Variants in UGT1A9 observed in about 807,000 individuals in gnomAD.
UGT1A9 encodes UDP glucuronosyltransferase family 1 member A9.
UGT1A9 carries 35 observed loss-of-function variants against 45.0 expected under a neutral mutation model. That is an observed-to-expected ratio of 0.78 (90% CI 0.59 to 1.03). The LOEUF (loss-of-function observed/expected upper bound fraction) is 1.03, where lower values mean the gene tolerates loss of function less well. Among genes scored for constraint, UGT1A9 ranks in the 50% least tolerant of loss-of-function variants. The pLI, the probability that UGT1A9 is intolerant of heterozygous loss-of-function variation, is 0.00. For synonymous variants in UGT1A9, 278 were observed against 250.6 expected (o/e 1.11, Z -1.03); for missense variants, 687 against 666.6 (o/e 1.03, Z -0.34).
At chr2:233,755,222 G>A in intron 1 of UGT1A9, 1 of 994,216 alleles carries the variant, frequency 1.0e-6, no homozygotes, top group Admixed American at 1.9e-5. Flanking sequence ...TGATACCCTC[G>A]GACGAGGCCT....
In UGT1A9 at chr2:233,768,366, G is replaced by A. The variant is rs36076514; in HGVS notation, c.1222G>A (p.Val408Met). Residue 408 changes from valine (V) to methionine (M), a missense_variant, in exon 4 of 5, where the codon GTG (valine) becomes ATG (methionine). Transcript: ENST00000354728. ...AKRMETKGAG[V>M]TLNVLEMTSE... ...GCGCATGGAGACTAAGGGAGCTGGA[G>A]TGACCCTGAATGTTCTGGAAATGAC... 1 of 1,614,180 alleles carries A rather than the reference G, an allele frequency of 6.2e-7. No individual in the cohort carries two copies. Among genetic ancestry groups the A allele is most frequent in the African/African-American group, 1.3e-5 (1 of 75,048 alleles).
chr2:233,679,011 G>A (rs938044553), intron 1 of UGT1A9, among the ~76,000 whole-genome samples: 1 of 152,226 alleles, frequency 6.6e-6, no homozygotes, highest in South Asian at 2.1e-4. Flanking sequence ...GGCATCTTCA[G>A]TGGTGTAATC....
intron 1 of UGT1A9, among the ~76,000 whole-genome samples, chr2:233,763,590 A>G (rs772976697): frequency 6.6e-6 from 1 of 152,156 alleles, no homozygotes; most frequent in Non-Finnish European, 1.5e-5. Flanking sequence ...TTCCTTTGTT[A>G]ACTAAAAATG....
intron 1 of UGT1A9, chr2:233,719,187 G>A (rs747678615): frequency 1.3e-5 from 21 of 1,614,050 alleles, no homozygotes; most frequent in Admixed American, 1.0e-4. Flanking sequence ...TGTATCTTTG[G>A]CCCTTCATAG....
chr2:233,683,804 T>A (rs1006776761), intron 1 of UGT1A9, among the ~76,000 whole-genome samples: 3 of 152,222 alleles, frequency 2.0e-5, no homozygotes, highest in Non-Finnish European at 4.4e-5. Flanking sequence ...TTGTATGTAG[T>A]CATATTACTA....
intron 1 of UGT1A9, chr2:233,754,567 T>C (rs1377287717): frequency 5.0e-6 from 2 of 402,366 alleles, no homozygotes; most frequent in African/African-American, 4.2e-5. Flanking sequence ...GGGGAGCAAC[T>C]GCTCTATGCC....
At chr2:233,716,682 A>G (rs1247523316) in intron 1 of UGT1A9, among the ~76,000 whole-genome samples, 2 of 152,204 alleles carry the variant, frequency 1.3e-5, no homozygotes, top group Non-Finnish European at 2.9e-5. Context: ...CCCAAGATAT[A>G]GTTTCTACAT....
chr2:233,679,862 A>G (rs1360236896), intron 1 of UGT1A9, among the ~76,000 whole-genome samples: 1 of 152,188 alleles, frequency 6.6e-6, no homozygotes, highest in Non-Finnish European at 1.5e-5. Flanking sequence ...ATCTATAAAT[A>G]AGCCTTTCTT....
At chr2:233,724,917 C>T (rs1223036071) in intron 1 of UGT1A9, among the ~76,000 whole-genome samples, 1 of 141,476 alleles carries the variant, frequency 7.1e-6, no homozygotes, top group Non-Finnish European at 1.5e-5. Flanking sequence ...CCATTGAGCA[C>T]TGAGTGAACG....
intron 4 of UGT1A9, chr2:233,770,806 G>A (rs1700161628): frequency 6.6e-6 from 1 of 152,116 alleles, no homozygotes; most frequent in Admixed American, 6.5e-5. Context: ...TTTAAAGACA[G>A]TGTATTAGGC....
At chr2:233,751,830 G>A (rs571499151) in intron 1 of UGT1A9, among the ~76,000 whole-genome samples, 82 of 152,290 alleles carry the variant, frequency 5.4e-4, no homozygotes, top group Non-Finnish European at 9.3e-4. Flanking sequence ...CCAGCCATGT[G>A]GAACTGAGTC....
intron 1 of UGT1A9, among the ~76,000 whole-genome samples, chr2:233,702,149 T>C (rs1024085509): frequency 1.3e-5 from 2 of 152,210 alleles, no homozygotes; most frequent in African/African-American, 4.8e-5. Flanking sequence ...AGATACCTTA[T>C]ATCTATTATC....
At chr2:233,726,442 TC>T (rs1229144566) in intron 1 of UGT1A9, among the ~76,000 whole-genome samples, 1 of 152,218 alleles carries the variant, frequency 6.6e-6, no homozygotes, top group Non-Finnish European at 1.5e-5. Flanking sequence ...TCTTATTCTT[TC>T]CACTGAATGT....
intron 1 of UGT1A9, among the ~76,000 whole-genome samples, chr2:233,702,826 A>G (rs1459451929): frequency 1.3e-5 from 2 of 152,202 alleles, no homozygotes; most frequent in African/African-American, 4.8e-5. Context: ...ATTGTGTTGT[A>G]TAATCCTTTT....
At position 233,741,549 on chromosome 2, in the gene UGT1A9, A is replaced by G. The variant is rs1414651717; in HGVS notation, c.856-25485A>G. 1.3e-5 allele frequency: 2 copies of G among 151,888 alleles called. 1 individual carries two copies. The highest frequency in any genetic ancestry group is 4.9e-5 in the African/African-American group (2 of 41,148). 9.4% of individuals were successfully genotyped at this position (151,888 alleles called of 1,614,324 possible). A position where few individuals can be genotyped will look rare whatever the true frequency, so the allele number is the denominator to read the frequency against. ...TCTGTCTTATTCTGATACTTCTTTT[A>G]TGGTTATTGTATGAGAATCAACTAC... On this transcript the variant is annotated intron_variant, in intron 1 of 4. Transcript: ENST00000354728.
At chr2:233,710,729 C>T (rs1236562894) in intron 1 of UGT1A9, among the ~76,000 whole-genome samples, 3 of 152,128 alleles carry the variant, frequency 2.0e-5, no homozygotes, top group Admixed American at 6.5e-5. Flanking sequence ...TAAAAAACAA[C>T]GTCTTTCAAG....
At chr2:233,690,531 T>C (rs1371905624) in intron 1 of UGT1A9, 2 of 1,289,774 alleles carry the variant, frequency 1.6e-6, no homozygotes, top group African/African-American at 1.5e-5. Flanking sequence ...ATCTACTTCT[T>C]TCACCCCACT....
intron 1 of UGT1A9, among the ~76,000 whole-genome samples, chr2:233,697,933 GA>G (rs1406564471): frequency 6.6e-6 from 1 of 152,062 alleles, no homozygotes; most frequent in Non-Finnish European, 1.5e-5. Flanking sequence ...TAGGGTATTG[GA>G]AAAAAGTAAA....
At chr2:233,712,590 A>G (rs1407405670) in intron 1 of UGT1A9, among the ~76,000 whole-genome samples, 1 of 152,212 alleles carries the variant, frequency 6.6e-6, no homozygotes, top group African/African-American at 2.4e-5. Context: ...AGCAGAGACC[A>G]TATGGTTGGG....
Sources: allele counts gnomAD v4.1 joint callset (sites outside exome capture counted in the v4.1 genomes callset), GRCh38; gene constraint gnomAD v4.1.1; transcripts MANE v1.5; gene names NCBI Gene and HGNC (gene_info 2026-07-23, HGNC 2026-07-21).